The following GABPB1 variants were observed in gnomAD, a reference collection of about 807,000 sequenced individuals.
The protein encoded by GABPB1 is GA binding protein transcription factor subunit beta 1.
GABPB1 carries 15 observed loss-of-function variants against 45.9 expected under a neutral mutation model. That is an observed-to-expected ratio of 0.33 (90% CI 0.22 to 0.50). The LOEUF (loss-of-function observed/expected upper bound fraction) is 0.50, where lower values mean the gene tolerates loss of function less well. Among genes scored for constraint, GABPB1 ranks in the 20% least tolerant of loss-of-function variants. The pLI is 0.98. For missense variants in GABPB1, 252 were observed against 457.5 expected (o/e 0.55, Z 4.10); for synonymous variants, 143 against 154.4 (o/e 0.93, Z 0.55).
intron 1 of GABPB1, among the ~76,000 whole-genome samples, chr15:50,337,939 A>G (rs2141146196): frequency 6.6e-6 from 1 of 152,286 alleles, no homozygotes; most frequent in Non-Finnish European, 1.5e-5. Flanking sequence ...AACTCAGGTA[A>G]AAGTAGTATG....
Position 50,286,175 on chromosome 15 carries a change from C to A in GABPB1, c.892G>T (p.Val298Leu). 1 of 1,537,390 alleles carries A rather than the reference C, an allele frequency of 6.5e-7. No homozygotes were observed. The highest frequency in any genetic ancestry group is 8.8e-7 in the Non-Finnish European group (1 of 1,138,852). ...TCTTCAGCAATGTCTGTTGCTGGTACTGTTAATACTAAAATGAAAAAAAAA... is the reference window on the plus strand; with the variant it reads ...TCTTCAGCAATGTCTGTTGCTGGTAATGTTAATACTAAAATGAAAAAAAAA... ...TMPDGQQVLT[V>L]PATDIAEETV... The change falls in exon 8 of 9, where the codon GTA (valine) becomes TTA (leucine). Residue 298 changes from valine to leucine, a missense_variant. Coordinates refer to ENST00000380877, the MANE Select transcript of GABPB1 (RefSeq NM_016654.5).
chr15:50,291,936 T>A (rs1327227405), intron 6 of GABPB1, among the ~76,000 whole-genome samples: 12 of 123,978 alleles, frequency 9.7e-5, no homozygotes, highest in East Asian at 9.4e-4. Context: ...AAAAAAAAAA[T>A]TCTATCTATA....
intron 1 of GABPB1, among the ~76,000 whole-genome samples, chr15:50,345,808 T>G (rs1045250874): frequency 8.6e-5 from 13 of 151,878 alleles, no homozygotes; most frequent in African/African-American, 3.1e-4. Context: ...GCCTCCCGGG[T>G]ACACGCCATT....
chr15:50,347,300 A>C (rs1329889367), intron 1 of GABPB1: 1 of 152,214 alleles, frequency 6.6e-6, no homozygotes, highest in Non-Finnish European at 1.5e-5. Flanking sequence ...ACACAGGAAG[A>C]ATAATCACAT....
intron 1 of GABPB1, among the ~76,000 whole-genome samples, chr15:50,346,812 G>C (rs1218277692): frequency 3.0e-5 from 4 of 134,292 alleles, no homozygotes; most frequent in African/African-American, 1.2e-4. Context: ...TTTTGAGACA[G>C]AGTCTCACTC....
intron 1 of GABPB1, among the ~76,000 whole-genome samples, chr15:50,332,544 A>G (rs2047982803): frequency 6.6e-6 from 1 of 152,156 alleles, no homozygotes; most frequent in African/African-American, 2.4e-5. Context: ...TGTATATGAT[A>G]CTGGTATTAT....
At chr15:50,328,238 T>TAA (rs930410845) in intron 1 of GABPB1, among the ~76,000 whole-genome samples, 208 of 143,022 alleles carry the variant, frequency 1.5e-3, no homozygotes, top group African/African-American at 5.2e-3. Context: ...TATTCCTTTC[T>TAA]AAAAAAAAAA....
At chr15:50,307,003 G>A (rs1013314821) in intron 2 of GABPB1, among the ~76,000 whole-genome samples, 1 of 151,940 alleles carries the variant, frequency 6.6e-6, no homozygotes, top group African/African-American at 2.4e-5. Flanking sequence ...GTGTTATTAT[G>A]AATAATGTTG....
chr15:50,317,118 G>A (rs1322963002), intron 1 of GABPB1, among the ~76,000 whole-genome samples: 1 of 152,050 alleles, frequency 6.6e-6, no homozygotes, highest in African/African-American at 2.4e-5. Context: ...ACTTGGAGCC[G>A]AGTGTAGTGG....
chr15:50,324,866 G>T (rs2047696165), intron 1 of GABPB1, among the ~76,000 whole-genome samples: 1 of 151,886 alleles, frequency 6.6e-6, no homozygotes, highest in Admixed American at 6.6e-5. Context: ...CTTTCTATGG[G>T]CACAAGTTAA....
intron 1 of GABPB1, chr15:50,352,314 A>C (rs2048866589): frequency 1.3e-5 from 2 of 148,786 alleles, no homozygotes. Context: ...TATGGGAAAA[A>C]ACACACTAAA....
chr15:50,340,814 CATTCTCTTTGTAGGAGTGCAAT>C (rs2048331560), intron 1 of GABPB1, among the ~76,000 whole-genome samples: 1 of 151,472 alleles, frequency 6.6e-6, no homozygotes, highest in African/African-American at 2.4e-5. Context: ...TTTACCATTT[CATTCTCTTTGTAGGAGTGCAAT>C]ATGTATATTT....
At chr15:50,281,188 A>C (rs2045958416) in intron 8 of GABPB1, among the ~76,000 whole-genome samples, 1 of 152,214 alleles carries the variant, frequency 6.6e-6, no homozygotes, top group African/African-American at 2.4e-5. Flanking sequence ...TTAATCTTTA[A>C]GATTGAAAGT....
intron 1 of GABPB1, chr15:50,350,167 T>C (rs2048766605): frequency 1.3e-5 from 2 of 151,910 alleles, no homozygotes; most frequent in African/African-American, 2.4e-5. Flanking sequence ...TCAATAGTAC[T>C]GGCTCTAGAG....
At chr15:50,348,754 C>T (rs901736836) in intron 1 of GABPB1, among the ~76,000 whole-genome samples, 5 of 151,956 alleles carry the variant, frequency 3.3e-5, no homozygotes, top group Middle Eastern at 3.4e-3. Context: ...CCCAGCTACT[C>T]GGGAGGCTGA....
At chr15:50,299,817 G>C (rs2046663475) in intron 6 of GABPB1, among the ~76,000 whole-genome samples, 1 of 151,562 alleles carries the variant, frequency 6.6e-6, no homozygotes, top group East Asian at 1.9e-4. Context: ...GTGTTTTTTG[G>C]TTTTGGGTTT....
chr15:50,320,225 T>C lies in GABPB1; in HGVS notation c.1-10427A>G, dbSNP rs147051486. ...TCTTGTTGCCCAGGCTAGAGTGCAA[T>C]AGCACAATCTTGGCTCACTGCAACC... On this transcript the variant is annotated intron_variant, in intron 1 of 8. Transcript: ENST00000380877. 5.0e-3 allele frequency among the ~76,000 whole-genome samples: 768 copies of C among 152,358 alleles called. 3 individuals are homozygous for C. The highest frequency in any genetic ancestry group is 7.7e-3 in the Non-Finnish European group (522 of 68,026).
At chr15:50,339,832 C>G (rs1294420427) in intron 1 of GABPB1, among the ~76,000 whole-genome samples, 2 of 152,186 alleles carry the variant, frequency 1.3e-5, no homozygotes, top group African/African-American at 2.4e-5. Context: ...ATGTCCAGAA[C>G]TTCCCAGGCA....
Position 50,319,596 on chromosome 15 carries a change from G to T in GABPB1, c.1-9798C>A, listed in dbSNP as rs1183552792. Among the ~76,000 whole-genome samples, 5 of 152,184 alleles carry T rather than the reference G, an allele frequency of 3.3e-5. No homozygotes were observed. The East Asian group carries it at 9.6e-4, about 29-fold the overall frequency. On this transcript the variant is annotated intron_variant, in intron 1 of 8. Coordinates refer to ENST00000380877, the MANE Select transcript of GABPB1 (RefSeq NM_016654.5). The stretch of plus-strand genomic sequence containing the variant: ...CTCATGCCTATAATCCCAGCACTTT[G>T]GGAGGCTGAGGCGGGCAAATCACGA...
Sources: gnomAD v4.1 joint callset for allele counts (sites outside exome capture counted in the v4.1 genomes callset) on GRCh38, gnomAD v4.1.1 for gene constraint, MANE v1.5 for transcripts, NCBI Gene and HGNC (gene_info 2026-07-23, HGNC 2026-07-21) for gene names.